The following EIF2D variants were observed in gnomAD, a reference collection of about 807,000 sequenced individuals.
The protein encoded by EIF2D is hepatocellular carcinoma-associated antigen 56.
EIF2D carries 56 observed loss-of-function variants against 77.4 expected under a neutral mutation model. The observed-to-expected ratio is 0.72, with a 90% CI of 0.58 to 0.90. The LOEUF (loss-of-function observed/expected upper bound fraction) is 0.90, where lower values mean the gene tolerates loss of function less well. Ranked by LOEUF, EIF2D falls within the 40% of genes least tolerant of loss-of-function variation. The probability of loss-of-function intolerance (pLI) is 0.00; values close to 1 mark genes in which losing one functional copy is unlikely to be tolerated. For missense variants in EIF2D, 574 were observed against 706.5 expected, an observed-to-expected ratio of 0.81 and a Z score of 2.13; for synonymous variants, 230 against 271.0, an observed-to-expected ratio of 0.85 and a Z score of 1.49.
At chr1:206,612,164 C>A (rs752698602) in intron 1 of EIF2D, 123 bp downstream of exon 1, 1 of 1,352,916 alleles carries the variant, frequency 7.4e-7, no homozygotes, top group Non-Finnish European at 1.1e-6. Flanking sequence ...GGGGTCCCTT[C>A]CCTGGCATAC....
chr1:206,577,329 G>C (rs1406673351), intron 4 of EIF2D, among the ~76,000 whole-genome samples: 1 of 152,188 alleles, frequency 6.6e-6, no homozygotes, highest in Non-Finnish European at 1.5e-5. Flanking sequence ...CAAGGAAAAT[G>C]AAAACTGAAA....
rs782812788 is a variant in EIF2D, at chr1:206,602,402, C to T, written c.836G>A (p.Arg279Gln). 21 of 1,614,158 alleles carry T rather than the reference C, an allele frequency of 1.3e-5. No individual in the cohort carries two copies. The highest frequency in any genetic ancestry group is 6.6e-5 in the South Asian group (6 of 91,088). The change falls in exon 7 of 15, where the codon CGA becomes CAA. Residue 279 changes from arginine to glutamine, a missense_variant. By Grantham distance (43) the Arg-to-Gln change is conservative. Coordinates refer to ENST00000271764, the MANE Select transcript of EIF2D (RefSeq NM_006893.3). ...TAAAGGGAGGTCAGCCTTTTTGACT[C>T]GGCACTTCAAGGCATGTAAGAAGCA... is the stretch of plus-strand genomic sequence containing the variant. ...QQCFLHALKC[R>Q]VKKADLPLLT...
At chr1:206,610,855 G>C (rs1224577316) in intron 2 of EIF2D, among the ~76,000 whole-genome samples, 1 of 152,136 alleles carries the variant, frequency 6.6e-6, no homozygotes, top group African/African-American at 2.4e-5. Flanking sequence ...TCCTTTTCAA[G>C]ACCTCTGCTC....
chr1:206,595,637 C>A, intron 13 of EIF2D, 81 bp downstream of exon 13: 1 of 1,519,778 alleles, frequency 6.6e-7, no homozygotes, highest in Non-Finnish European at 8.9e-7. Flanking sequence ...AATCTAAAAA[C>A]CTCCAATCAC....
intron 4 of EIF2D, 68 bp from the exon 5 acceptor site, chr1:206,605,575 C>G: frequency 3.0e-6 from 4 of 1,337,452 alleles, no homozygotes; most frequent in Non-Finnish European, 4.2e-6. Flanking sequence ...TTAGGATCAT[C>G]TTCTGACACA....
Position 206,608,260 on chromosome 1 carries a change from C to CA in EIF2D, c.397dup (p.Cys133LeufsTer23), listed in dbSNP as rs1553413096. 6.2e-7 allele frequency: 1 copy of CA among 1,613,638 alleles called. No individual in the cohort carries two copies. Among genetic ancestry groups the CA allele is most frequent in the Admixed American group, 1.7e-5 (1 of 59,980 alleles). On this transcript the variant is annotated frameshift_variant, in exon 4 of 15. Transcript: ENST00000271764. LOFTEE classifies it high-confidence loss of function. ...CCTGTTCCCCACCAAAGAAATGGCA[C>CA]AGAGGTCGCCCTTCTGTACCTGAGG...
chr1:206,594,501 C>A (rs1244777845), intron 13 of EIF2D: 1 of 152,196 alleles, frequency 6.6e-6, no homozygotes, highest in Admixed American at 6.5e-5. Context: ...TTCATGACTA[C>A]AGATAGTAAA....
In EIF2D at chr1:206,579,144, C is replaced by T. The variant is rs1553405747; in HGVS notation, c.*254+1548G>A. On this transcript the variant is annotated intron_variant and NMD_transcript_variant, in intron 4 of 5. Coordinates refer to the EIF2D transcript ENST00000472709. The surrounding 1 kb of genome is among the most constrained non-coding windows in gnomAD (Gnocchi z 4.2). ...TTTTCCACCGCATAGGACATGTGAG[C>T]ACAAACCTGTTTTTCACCAGTGCCC... 6.6e-6 allele frequency among the ~76,000 whole-genome samples: 1 copy of T among 152,144 alleles called. No homozygotes were observed. The highest frequency in any genetic ancestry group is 1.5e-5 in the Non-Finnish European group (1 of 68,030).
At chr1:206,589,429 T>C (rs1669271327), downstream of EIF2D, 1 of 152,340 alleles carries the variant, frequency 6.6e-6, no homozygotes, top group Non-Finnish European at 1.5e-5. Context: ...GTTCAAATAA[T>C]TTGGGAAAAA....
intron 4 of EIF2D, among the ~76,000 whole-genome samples, chr1:206,607,560 A>G (rs1014818715): frequency 1.4e-4 from 21 of 152,172 alleles, no homozygotes; most frequent in African/African-American, 5.1e-4. Flanking sequence ...ACAATCTGAG[A>G]CCAGCCTGAG....
In EIF2D at chr1:206,611,308, T is replaced by A. The variant is rs782251294; in HGVS notation, c.123A>T (p.Leu41Phe). ...PTLGTDQVSE[L>F]VPGKEELNIV... Reference sequence around the variant, plus strand: ...TGTTGAGCTCCTCCTTTCCAGGTACTAACTCAGAGACTTGATCAGTTCCAA... The same window carrying A: ...TGTTGAGCTCCTCCTTTCCAGGTACAAACTCAGAGACTTGATCAGTTCCAA... Residue 41 changes from leucine (L) to phenylalanine (F), a missense_variant, in exon 2 of 15, where the codon TTA (leucine) becomes TTT (phenylalanine). Coordinates refer to ENST00000271764, the MANE Select transcript of EIF2D (RefSeq NM_006893.3). The A allele has an allele frequency of 9.9e-6, 16 of 1,614,248 alleles. No individual in the cohort carries two copies. Among genetic ancestry groups the A allele is most frequent in the Non-Finnish European group, 1.4e-5 (16 of 1,180,042 alleles).
At chr1:206,581,779 T>C (rs1553406396) in intron 2 of EIF2D, among the ~76,000 whole-genome samples, 2 of 151,596 alleles carry the variant, frequency 1.3e-5, no homozygotes, top group Admixed American at 1.3e-4. Context: ...ATCGGTTCTG[T>C]GGGATTGGAA....
chr1:206,584,558 A>C lies in EIF2D; in HGVS notation c.139-3396T>G, dbSNP rs1553407134. Reference sequence around the variant, plus strand: ...CTTCTACCTGCCCCTAGATGCCATCAAGCAGCTGCACATCAGCAGCACCAC... The same window carrying C: ...CTTCTACCTGCCCCTAGATGCCATCCAGCAGCTGCACATCAGCAGCACCAC... On this transcript the variant is annotated intron_variant and NMD_transcript_variant, in intron 2 of 5. Coordinates refer to the EIF2D transcript ENST00000472709. The surrounding 1 kb of genome is among the most constrained non-coding windows in gnomAD (Gnocchi z 4.9). The C allele has an allele frequency of 1.2e-6, 2 of 1,614,086 alleles. No individual in the cohort carries two copies. Among genetic ancestry groups the C allele is most frequent in the South Asian group, 2.2e-5 (2 of 91,088 alleles).
chr1:206,592,630 G>A lies in EIF2D; in HGVS notation c.1685-785C>T, dbSNP rs543769978. Among the ~76,000 whole-genome samples, 1 of 152,312 alleles carries A rather than the reference G, an allele frequency of 6.6e-6. No homozygotes were observed. Among genetic ancestry groups the A allele is most frequent in the African/African-American group, 2.4e-5 (1 of 41,564 alleles). On this transcript the variant is annotated intron_variant, in intron 14 of 14. Coordinates refer to ENST00000271764, the MANE Select transcript of EIF2D (RefSeq NM_006893.3). This position sits in a 1 kb window ranked among gnomAD's most constrained non-coding sequence, Gnocchi z 4.7. ...GGGAAGGCTGGGGTCAGGCTGGGAG[G>A]GTCTTGTTTATTGAGCTTAGGAGTT...
chr1:206,577,915 G>A lies in EIF2D; in HGVS notation c.*254+2777C>T, dbSNP rs193244996. 2.0e-5 allele frequency among the ~76,000 whole-genome samples: 3 copies of A among 152,290 alleles called. No homozygotes were observed. In the East Asian group the frequency reaches 5.8e-4, roughly 29 times the overall value. ...GTTGGGAAGAAGACCTGAGATGGAT[G>A]AGTCTACTTGGAGGTTAATGTAAGC... On this transcript the variant is annotated intron_variant and NMD_transcript_variant, in intron 4 of 5. Transcript: ENST00000472709.
Position 206,598,019 on chromosome 1 carries a change from A to T in EIF2D, c.1293-824T>A, listed in dbSNP as rs185386430. 3.2e-4 allele frequency among the ~76,000 whole-genome samples: 49 copies of T among 152,212 alleles called. 1 individual carries two copies. The highest frequency in any genetic ancestry group is 1.1e-3 in the African/African-American group (47 of 41,516). On this transcript the variant is annotated intron_variant, in intron 11 of 14. Coordinates refer to ENST00000271764, the MANE Select transcript of EIF2D (RefSeq NM_006893.3). ...GGTATGTCTCAACTTTTTTATCATG[A>T]TGATGTTTTTTTAAAGTGAAAAAAA... is the stretch of plus-strand genomic sequence containing the variant.
chr1:206,609,954 T>C (rs11119136), intron 2 of EIF2D, among the ~76,000 whole-genome samples: 118,555 of 152,000 alleles, frequency 0.78, 46,359 homozygotes, highest in Non-Finnish European at 0.81. Flanking sequence ...ATTGCACTAT[T>C]GCAGACAACC....
intron 4 of EIF2D, 150 bp downstream of exon 4, chr1:206,608,086 C>T (rs1243878532): frequency 5.2e-6 from 3 of 576,302 alleles, no homozygotes; most frequent in Non-Finnish European, 9.1e-6. Flanking sequence ...CATAGGTTTG[C>T]TGCCATTCTC....
chr1:206,594,478 A>C (rs1669536968), intron 13 of EIF2D: 1 of 152,220 alleles, frequency 6.6e-6, no homozygotes, highest in Non-Finnish European at 1.5e-5. Context: ...GCTTTAAAAC[A>C]AATTCTTTCT....
Sources: allele counts gnomAD v4.1 joint callset (sites outside exome capture counted in the v4.1 genomes callset), GRCh38; gene constraint gnomAD v4.1.1; non-coding constraint Gnocchi (gnomAD v3.1); transcripts MANE v1.5; gene names NCBI Gene and HGNC (gene_info 2026-07-23, HGNC 2026-07-21).